The following SPMIP8 variants were observed in gnomAD, a reference collection of about 807,000 sequenced individuals.
SPMIP8 encodes the protein testicular tissue protein Li 196.
the SPMIP8 span, among the ~76,000 whole-genome samples, chr16:57,980,230 A>G: frequency 6.6e-5 from 10 of 152,202 alleles, no homozygotes; most frequent in Non-Finnish European, 1.0e-4. Context: ...TTATGTTCAA[A>G]GGGTTGGCTA....
chr16:57,984,542 A>G, the SPMIP8 span: 2 of 1,493,606 alleles, frequency 1.3e-6, no homozygotes, highest in Non-Finnish European at 1.8e-6. Context: ...GCACCGGGCC[A>G]CTTGTCAACT....
chr16:57,980,204 G>A, the SPMIP8 span, among the ~76,000 whole-genome samples: 1 of 152,208 alleles, frequency 6.6e-6, no homozygotes, highest in African/African-American at 2.4e-5. Context: ...AAAGGAGGAG[G>A]GGTTGGGTAA....
the SPMIP8 span, chr16:57,987,657 C>T: frequency 4.6e-5 from 20 of 435,492 alleles, no homozygotes; most frequent in Non-Finnish European, 6.3e-5. Context: ...TGCCCGTCCC[C>T]GGCCAACTCC....
the SPMIP8 span, chr16:57,985,319 G>T: frequency 6.4e-7 from 1 of 1,558,536 alleles, no homozygotes. Context: ...GGGGGTCCTG[G>T]TGGGGAGCGG....
At chr16:57,979,030 A>G in the SPMIP8 span, among the ~76,000 whole-genome samples, 2 of 151,872 alleles carry the variant, frequency 1.3e-5, no homozygotes, top group Non-Finnish European at 2.9e-5. Flanking sequence ...AGAGAGAAAG[A>G]CCTCTCCTCA....
chr16:57,985,654 G>A, the SPMIP8 span: 3 of 1,450,044 alleles, frequency 2.1e-6, no homozygotes, highest in South Asian at 2.8e-5. Context: ...TGAGAACTGG[G>A]AAAAATTGGC....
chr16:57,984,435 C>CTACA, the SPMIP8 span: 3 of 1,585,746 alleles, frequency 1.9e-6, no homozygotes, highest in Non-Finnish European at 1.7e-6. Flanking sequence ...GTCCTGGGAT[C>CTACA]TACACCCCGC....
the SPMIP8 span, chr16:57,987,207 A>C: frequency 2.1e-6 from 1 of 487,354 alleles, no homozygotes; most frequent in Non-Finnish European, 3.5e-6. Context: ...AGGCACAGTC[A>C]AAGGAGGGAG....
At chr16:57,985,167 G>A in the SPMIP8 span, 1 of 1,474,474 alleles carries the variant, frequency 6.8e-7, no homozygotes, top group South Asian at 1.4e-5. Context: ...GTCCTGGGGG[G>A]GGGCGGATGA....
the SPMIP8 span, chr16:57,984,936 G>T: frequency 4.5e-6 from 6 of 1,325,768 alleles, no homozygotes; most frequent in Non-Finnish European, 5.1e-6. Flanking sequence ...CCGCTGAGAT[G>T]AAGCTGTGGC....
chr16:57,985,676 A>G, the SPMIP8 span: 1 of 1,324,082 alleles, frequency 7.6e-7, no homozygotes, highest in Non-Finnish European at 1.0e-6. Context: ...CCAATACACC[A>G]GAAACAAATT....
At chr16:57,986,675 C>A in the SPMIP8 span, 1 of 152,220 alleles carries the variant, frequency 6.6e-6, no homozygotes, top group African/African-American at 2.4e-5. Flanking sequence ...CTCACTGCAA[C>A]CTCCGCCTCC....
chr16:57,985,962 CG>C, the SPMIP8 span: 1 of 1,597,862 alleles, frequency 6.3e-7, no homozygotes, highest in South Asian at 1.1e-5. Context: ...GGTCCTGTCC[CG>C]CCCCACAGCC....
the SPMIP8 span, chr16:57,976,711 C>T: frequency 1.3e-6 from 2 of 1,568,460 alleles, no homozygotes; most frequent in South Asian, 1.1e-5. Context: ...CAGGCAGTCA[C>T]ATCCCCTAAG....
At chr16:57,982,762 G>C in the SPMIP8 span, among the ~76,000 whole-genome samples, 5 of 152,234 alleles carry the variant, frequency 3.3e-5, no homozygotes, top group Non-Finnish European at 7.3e-5. Flanking sequence ...GGGCGCAGTG[G>C]CTCACGCCTG....
At chr16:57,987,625 C>T in the SPMIP8 span, 4 of 518,984 alleles carry the variant, frequency 7.7e-6, no homozygotes, top group Non-Finnish European at 1.2e-5. Context: ...GTCAGGGCCA[C>T]AGGATGACAG....
At chr16:57,978,740 C>T in the SPMIP8 span, among the ~76,000 whole-genome samples, 1 of 151,980 alleles carries the variant, frequency 6.6e-6, no homozygotes, top group African/African-American at 2.4e-5. Flanking sequence ...CTCAGCCTCC[C>T]GAATAGCTGG....
At chr16:57,984,389 G>C in the SPMIP8 span, 18 of 1,613,886 alleles carry the variant, frequency 1.1e-5, no homozygotes, top group East Asian at 3.8e-4. Context: ...CCCTGCCCTT[G>C]GGTTTGCTAA....
chr16:57,977,391 A>G, the SPMIP8 span, among the ~76,000 whole-genome samples: 1 of 133,358 alleles, frequency 7.5e-6, no homozygotes, highest in South Asian at 2.5e-4. Context: ...GTCTGAGCAG[A>G]AGAGTGAGAC....
Sources: allele counts gnomAD v4.1 joint callset (sites outside exome capture counted in the v4.1 genomes callset), GRCh38; gene constraint gnomAD v4.1.1; transcripts MANE v1.5; gene names NCBI Gene and HGNC (gene_info 2026-07-23, HGNC 2026-07-21).